Variants in GABRB2 observed in about 807,000 individuals in gnomAD.
GABRB2 encodes gamma-aminobutyric acid receptor subunit beta-2.
A neutral mutation model predicts 54.7 loss-of-function variants in GABRB2; 16 were observed. That is an observed-to-expected ratio of 0.29 (90% CI 0.20 to 0.44). GABRB2 has a LOEUF of 0.44. GABRB2 is among the 20% of genes least tolerant of loss of function. GABRB2 has a pLI of 1.00. For synonymous variants in GABRB2, 244 were observed against 233.8 expected (o/e 1.04, Z -0.40); for missense variants, 355 against 644.0 (o/e 0.55, Z 4.86).
intron 5 of GABRB2, among the ~76,000 whole-genome samples, chr5:161,390,897 T>C (rs982459043): frequency 1.1e-4 from 17 of 151,920 alleles, no homozygotes; most frequent in African/African-American, 4.1e-4. Flanking sequence ...AAACATATTA[T>C]ATCTACACTT....
intron 4 of GABRB2, among the ~76,000 whole-genome samples, chr5:161,449,063 A>C (rs1383010245): frequency 6.6e-6 from 1 of 151,868 alleles, no homozygotes; most frequent in Non-Finnish European, 1.5e-5. Flanking sequence ...GGAAATCTAG[A>C]CTCTTCAGTC....
At chr5:161,346,863 A>G (rs1252305664) in intron 5 of GABRB2, among the ~76,000 whole-genome samples, 1 of 152,070 alleles carries the variant, frequency 6.6e-6, no homozygotes, top group Non-Finnish European at 1.5e-5. Flanking sequence ...TTAAACAGAG[A>G]TCATTCATTC....
intron 3 of GABRB2, among the ~76,000 whole-genome samples, chr5:161,501,553 A>G (rs1024902339): frequency 2.0e-5 from 3 of 152,288 alleles, no homozygotes; most frequent in African/African-American, 7.2e-5. Flanking sequence ...GAGACCCACT[A>G]ACTTAAGTGC....
intron 4 of GABRB2, among the ~76,000 whole-genome samples, chr5:161,426,190 C>G (rs1336595212): frequency 6.6e-6 from 1 of 152,076 alleles, no homozygotes; most frequent in African/African-American, 2.4e-5. Flanking sequence ...GATTTTACCT[C>G]TTGCTATGTA....
intron 3 of GABRB2, among the ~76,000 whole-genome samples, chr5:161,490,007 G>C (rs2964771): frequency 0.028 from 4,270 of 151,654 alleles, 85 homozygotes; most frequent in East Asian, 0.11. Context: ...AAAATCCAAT[G>C]TTTGTGCTGT....
intron 5 of GABRB2, among the ~76,000 whole-genome samples, chr5:161,378,452 T>C (rs1755371712): frequency 1.3e-5 from 2 of 152,180 alleles, no homozygotes; most frequent in Admixed American, 6.5e-5. Context: ...ATTCTAGCCC[T>C]TAAAATGAGC....
At chr5:161,338,555 A>G (rs1336740710) in intron 5 of GABRB2, among the ~76,000 whole-genome samples, 1 of 152,140 alleles carries the variant, frequency 6.6e-6, no homozygotes, top group Non-Finnish European at 1.5e-5. Context: ...TGGGAGGCCA[A>G]TGCTGGAGGA....
intron 7 of GABRB2, among the ~76,000 whole-genome samples, chr5:161,333,105 C>T (rs545603483): frequency 3.9e-5 from 6 of 152,184 alleles, no homozygotes; most frequent in South Asian, 4.1e-4. Flanking sequence ...ATAAATTGCT[C>T]ACATAAAGAC....
At chr5:161,476,870 A>T (rs997714823) in intron 3 of GABRB2, among the ~76,000 whole-genome samples, 2 of 151,896 alleles carry the variant, frequency 1.3e-5, no homozygotes, top group Non-Finnish European at 2.9e-5. Context: ...GTTTCATGAC[A>T]TTGGATTTTG....
At chr5:161,383,870 G>A (rs1755543686) in intron 5 of GABRB2, among the ~76,000 whole-genome samples, 1 of 152,192 alleles carries the variant, frequency 6.6e-6, no homozygotes, top group African/African-American at 2.4e-5. Flanking sequence ...AAGTATGTAT[G>A]TATAGATAGA....
intron 4 of GABRB2, among the ~76,000 whole-genome samples, chr5:161,446,770 C>T (rs1311947831): frequency 1.3e-5 from 2 of 152,064 alleles, no homozygotes; most frequent in Non-Finnish European, 2.9e-5. Flanking sequence ...GCCCGTAAAA[C>T]AACCCCTGTG....
intron 3 of GABRB2, among the ~76,000 whole-genome samples, chr5:161,509,019 T>C (rs1404672771): frequency 6.6e-6 from 1 of 151,920 alleles, no homozygotes; most frequent in East Asian, 1.9e-4. Flanking sequence ...TAACTAGCAA[T>C]ATGAAATTTC....
chr5:161,367,751 C>T (rs1161080763), intron 5 of GABRB2, among the ~76,000 whole-genome samples: 1 of 152,082 alleles, frequency 6.6e-6, no homozygotes, highest in Non-Finnish European at 1.5e-5. Flanking sequence ...AAAAATGTTA[C>T]CACATGTTCC....
chr5:161,425,431 C>T (rs1365607581), intron 4 of GABRB2, among the ~76,000 whole-genome samples: 1 of 152,052 alleles, frequency 6.6e-6, no homozygotes, highest in Non-Finnish European at 1.5e-5. Flanking sequence ...AACATCAAGG[C>T]AAGGCTCCCC....
chr5:161,425,787 GCTTACATTTTTCA>G (rs1756980606), intron 4 of GABRB2, among the ~76,000 whole-genome samples: 1 of 152,058 alleles, frequency 6.6e-6, no homozygotes, highest in Non-Finnish European at 1.5e-5. Context: ...TGAGGACATA[GCTTACATTTTTCA>G]TAGAAATAAT....
At chr5:161,391,144 A>C (rs1755809637) in intron 5 of GABRB2, among the ~76,000 whole-genome samples, 1 of 152,138 alleles carries the variant, frequency 6.6e-6, no homozygotes, top group Non-Finnish European at 1.5e-5. Context: ...ATGTCACCCA[A>C]ACTTAGGCAG....
At chr5:161,489,084 C>T (rs563736085) in intron 3 of GABRB2, among the ~76,000 whole-genome samples, 4 of 151,612 alleles carry the variant, frequency 2.6e-5, no homozygotes, top group African/African-American at 4.8e-5. Context: ...CTAATGAAAC[C>T]GCTGCCATTC....
intron 3 of GABRB2, among the ~76,000 whole-genome samples, chr5:161,534,862 C>G (rs1471787391): frequency 6.6e-6 from 1 of 151,970 alleles, no homozygotes; most frequent in Non-Finnish European, 1.5e-5. Flanking sequence ...AGCAATTTCT[C>G]AGTAAGCATA....
At chr5:161,433,790 G>A (rs1200680321) in intron 4 of GABRB2, among the ~76,000 whole-genome samples, 1 of 151,814 alleles carries the variant, frequency 6.6e-6, no homozygotes, top group African/African-American at 2.4e-5. Context: ...TTTCCTATTG[G>A]AAGAACCCTG....
Sources: gnomAD v4.1 joint callset for allele counts (sites outside exome capture counted in the v4.1 genomes callset) on GRCh38, gnomAD v4.1.1 for gene constraint, MANE v1.5 for transcripts, NCBI Gene and HGNC (gene_info 2026-07-23, HGNC 2026-07-21) for gene names.